ZNF260: variants seen among roughly 807,000 people sequenced by gnomAD.
The protein encoded by ZNF260 is zinc finger protein 260.
In ZNF260, 21 loss-of-function variants were observed where a neutral mutation model predicts 29.3. That is an observed-to-expected ratio of 0.72 (90% CI 0.51 to 1.03). The LOEUF (loss-of-function observed/expected upper bound fraction) is 1.03. Among genes scored for constraint, ZNF260 ranks in the 50% least tolerant of loss-of-function variants. The pLI is 0.00. For missense variants in ZNF260, 465 were observed against 487.8 expected, an observed-to-expected ratio of 0.95 and a Z score of 0.44; for synonymous variants, 156 against 156.8, an observed-to-expected ratio of 0.99 and a Z score of 0.04.
At position 36,515,023 on chromosome 19, in the gene ZNF260, T is replaced by G. The variant is rs754729924; in HGVS notation, c.216A>C (p.Leu72=). Residue 72 remains leucine (L), a synonymous_variant, in exon 3 of 3, where the codon CTA becomes CTC. Transcript: ENST00000523638. The part of the protein sequence containing the change: ...KVCSRVSSLT[L]HLRSHTGKKA... ...TCTTTCCTGTGTGACTTCTAAGGTG[T>G]AGAGTAAGAGATGAGACTCGAGAGC... 20 of 1,614,044 alleles carry G rather than the reference T, an allele frequency of 1.2e-5. No individual in the cohort carries two copies. The highest frequency in any genetic ancestry group is 1.7e-5 in the Non-Finnish European group (20 of 1,180,024).
chr19:36,514,607 T>C lies in ZNF260; in HGVS notation c.632A>G (p.Gln211Arg). 6.2e-7 allele frequency: 1 copy of C among 1,614,132 alleles called. No individual in the cohort carries two copies. The highest frequency in any genetic ancestry group is 8.5e-7 in the Non-Finnish European group (1 of 1,180,010). ...AGGTTTCTCTCCAGTATGGATTCTCTGATGTATAATGAGGTTTTCCTTCTG... is the reference window on the plus strand; with the variant it reads ...AGGTTTCTCTCCAGTATGGATTCTCCGATGTATAATGAGGTTTTCCTTCTG... ...FSQKENLIIHQRIHTGEKPYE... is the reference protein window; with the variant it reads ...FSQKENLIIHRRIHTGEKPYE... Residue 211 changes from glutamine to arginine, a missense_variant, in exon 3 of 3, where the codon CAG becomes CGG. Coordinates refer to ENST00000523638, the MANE Select transcript of ZNF260 (RefSeq NM_001166037.2).
Position 36,515,185 on chromosome 19 carries a change from A to G in ZNF260, c.54T>C (p.Asp18=). The G allele has an allele frequency of 6.2e-7, 1 of 1,610,842 alleles. No homozygotes were observed. The highest frequency in any genetic ancestry group is 8.5e-7 in the Non-Finnish European group (1 of 1,177,864). The part of the protein sequence containing the change: ...LQHESDLLQH[D]QIHTGEKPYE... Reference sequence around the variant, plus strand: ...AAGGTTTCTCTCCAGTATGAATTTGATCATGCTGAAGGAGATCTGATTCAT... The same window carrying G: ...AAGGTTTCTCTCCAGTATGAATTTGGTCATGCTGAAGGAGATCTGATTCAT... The change falls in exon 3 of 3, where the codon GAT becomes GAC. Residue 18 remains aspartate (D), a synonymous_variant. Transcript: ENST00000523638.
rs2034485229 is a variant in ZNF260, at chr19:36,513,457, AATTTTT to A, written c.*537_*542del. ...TATTTTTCCATATGAAGAGTCAATTAATTTTTAAGTAATCCATGATTTCCCCACCAA... is the reference window on the plus strand; with the variant it reads ...TATTTTTCCATATGAAGAGTCAATTAAAGTAATCCATGATTTCCCCACCAA... On this transcript the variant is annotated 3_prime_UTR_variant, in exon 3 of 3. Coordinates refer to ENST00000523638, the MANE Select transcript of ZNF260 (RefSeq NM_001166037.2). 1 of 315,814 alleles carries A rather than the reference AATTTTT, an allele frequency of 3.2e-6. No homozygotes were observed. The highest frequency in any genetic ancestry group is 2.1e-5 in the African/African-American group (1 of 47,016). The allele number at this position is 315,814 out of a possible 1,614,324, so 19.6% of individuals were successfully genotyped here. A position where few individuals can be genotyped will look rare whatever the true frequency, so the allele number is the denominator to read the frequency against.
At chr19:36,520,198 C>CAAAAA (rs11327751) in intron 2 of ZNF260, among the ~76,000 whole-genome samples, 2 of 89,646 alleles carry the variant, frequency 2.2e-5, no homozygotes, top group African/African-American at 3.8e-5. Context: ...GACTCTGTCT[C>CAAAAA]AAAAAAAAAA....
At chr19:36,523,386 T>C (rs140269979) in intron 2 of ZNF260, among the ~76,000 whole-genome samples, 63 of 152,166 alleles carry the variant, frequency 4.1e-4, no homozygotes, top group African/African-American at 1.5e-3. Context: ...CACAGTCCAA[T>C]CACATCACTG....
chr19:36,521,093 A>AT (rs1427569922), intron 2 of ZNF260, among the ~76,000 whole-genome samples: 1 of 151,234 alleles, frequency 6.6e-6, no homozygotes, highest in Non-Finnish European at 1.5e-5. Flanking sequence ...AAAAAAAAAA[A>AT]AGAAAGAAAG....
In ZNF260 at chr19:36,511,828, G is replaced by C. The variant is rs556097212; in HGVS notation, c.*2172C>G. The C allele has an allele frequency of 1.1e-3, 169 of 150,974 alleles. No homozygotes were observed. Among genetic ancestry groups the C allele is most frequent in the African/African-American group, 4.0e-3 (165 of 41,446 alleles). The allele number at this position is 150,974 out of a possible 1,614,324, so 9.4% of individuals were successfully genotyped here. A position where few individuals can be genotyped will look rare whatever the true frequency, so the allele number is the denominator to read the frequency against. On this transcript the variant is annotated 3_prime_UTR_variant, in exon 3 of 3. Coordinates refer to ENST00000523638, the MANE Select transcript of ZNF260 (RefSeq NM_001166037.2). ...AGGGGGTTGGGATTGACTTGGGTGT[G>C]TCTGACATAATTGAGAAAGAAATTT...
At position 36,514,988 on chromosome 19, in the gene ZNF260, T is replaced by G; in HGVS notation, c.251A>C (p.Lys84Thr). 6.2e-7 allele frequency: 1 copy of G among 1,614,090 alleles called. No homozygotes were observed. The highest frequency in any genetic ancestry group is 8.5e-7 in the Non-Finnish European group (1 of 1,180,006). Residue 84 changes from lysine to threonine, a missense_variant, in exon 3 of 3, where the codon AAA becomes ACA. Physicochemically the swap from Lys to Thr is moderately conservative, Grantham distance 78. Coordinates refer to ENST00000523638, the MANE Select transcript of ZNF260 (RefSeq NM_001166037.2). ...GAAGGCTTTTCCACATTTATTACATTTATATGCCTTCTTTCCTGTGTGACT... is the reference window on the plus strand; with the variant it reads ...GAAGGCTTTTCCACATTTATTACATGTATATGCCTTCTTTCCTGTGTGACT... ...LRSHTGKKAY[K>T]CNKCGKAFSQ...
At chr19:36,517,878 G>T (rs1441836942) in intron 2 of ZNF260, among the ~76,000 whole-genome samples, 1 of 150,830 alleles carries the variant, frequency 6.6e-6, no homozygotes, top group Non-Finnish European at 1.5e-5. Context: ...CTGTTGCCCA[G>T]GCTGGAGTGC....
rs192363790 is a variant in ZNF260 at position 36,519,415 on chromosome 19, G to A, written c.-461-3716C>T. ...GTGATCTTACTAGTATCAGAAGTCA[G>A]AAGGGGAAGTATGGGTATAACATAC... On this transcript the variant is annotated intron_variant, in intron 2 of 2. Coordinates refer to ENST00000523638, the MANE Select transcript of ZNF260 (RefSeq NM_001166037.2). Among the ~76,000 whole-genome samples the A allele has an allele frequency of 1.1e-3, 175 of 152,276 alleles. 1 individual carries two copies. Among genetic ancestry groups the A allele is most frequent in the African/African-American group, 3.8e-3 (159 of 41,546 alleles).
chr19:36,519,158 T>A (rs1478505918), intron 2 of ZNF260, among the ~76,000 whole-genome samples: 1 of 152,198 alleles, frequency 6.6e-6, no homozygotes, highest in Admixed American at 6.5e-5. Context: ...ATAAGTTACT[T>A]CCAACTTAGA....
intron 2 of ZNF260, among the ~76,000 whole-genome samples, chr19:36,517,037 G>C (rs2034563284): frequency 6.6e-6 from 1 of 152,184 alleles, no homozygotes; most frequent in African/African-American, 2.4e-5. Flanking sequence ...CCATTAAAAT[G>C]ACAGTAAAAG....
intron 2 of ZNF260, among the ~76,000 whole-genome samples, chr19:36,521,693 G>A (rs1048486467): frequency 5.9e-5 from 9 of 152,066 alleles, no homozygotes; most frequent in African/African-American, 2.2e-4. Flanking sequence ...GGCAGACATT[G>A]TAGTGAGCCA....
chr19:36,516,938 A>G (rs942219134), intron 2 of ZNF260, among the ~76,000 whole-genome samples: 1 of 152,216 alleles, frequency 6.6e-6, no homozygotes, highest in Non-Finnish European at 1.5e-5. Flanking sequence ...AAATACTTAA[A>G]AGACTGGGAG....
intron 2 of ZNF260, among the ~76,000 whole-genome samples, chr19:36,520,198 C>CAAAAAAAAAAAAAA (rs11327751): frequency 2.2e-5 from 2 of 89,688 alleles, no homozygotes; most frequent in Non-Finnish European, 2.4e-5. Flanking sequence ...GACTCTGTCT[C>CAAAAAAAAAAAAAA]AAAAAAAAAA....
intron 2 of ZNF260, among the ~76,000 whole-genome samples, chr19:36,524,458 C>A (rs971279634): frequency 2.6e-5 from 4 of 151,294 alleles, no homozygotes; most frequent in African/African-American, 9.7e-5. Flanking sequence ...GGATTACAGG[C>A]GTGAGCCACC....
intron 2 of ZNF260, among the ~76,000 whole-genome samples, chr19:36,524,337 G>A (rs1311234643): frequency 1.3e-5 from 2 of 151,590 alleles, no homozygotes; most frequent in Non-Finnish European, 2.9e-5. Context: ...CACCACACCT[G>A]GCTAATTTTG....
In ZNF260 at chr19:36,513,086, T is replaced by A. The variant is rs1448307437; in HGVS notation, c.*914A>T. On this transcript the variant is annotated 3_prime_UTR_variant, in exon 3 of 3. Transcript: ENST00000523638. ...ATTGTTATAATTGTTCCATATTATG[T>A]TTATTATTGTTTTAAATCTCTTGCT... The A allele has an allele frequency of 2.0e-5, 3 of 152,196 alleles. No individual in the cohort carries two copies. Among genetic ancestry groups the A allele is most frequent in the Admixed American group, 1.3e-4 (2 of 15,272 alleles). The allele number at this position is 152,196 out of a possible 1,614,324, so 9.4% of individuals were successfully genotyped here.
intron 1 of ZNF260, 23 bp from the exon 2 acceptor site, chr19:36,525,396 G>T (rs1568556017): frequency 1.3e-5 from 2 of 152,220 alleles, no homozygotes; most frequent in African/African-American, 4.8e-5. Context: ...ACAAAGTAAT[G>T]ATGATTCTTT....
Sources: gnomAD v4.1 joint callset for allele counts (sites outside exome capture counted in the v4.1 genomes callset) on GRCh38, gnomAD v4.1.1 for gene constraint, MANE v1.5 for transcripts, NCBI Gene and HGNC (gene_info 2026-07-23, HGNC 2026-07-21) for gene names.